POU6F2: variants seen among roughly 807,000 people sequenced by gnomAD.
POU6F2 encodes the protein POU domain, class 6, transcription factor 2.
Under a neutral mutation model 71.3 loss-of-function variants are expected in POU6F2, and 31 were observed. The observed-to-expected ratio is 0.43, with a 90% CI of 0.33 to 0.59. The LOEUF (loss-of-function observed/expected upper bound fraction) is 0.59. POU6F2 is among the 20% of genes least tolerant of loss of function. The probability of loss-of-function intolerance (pLI) is 0.04; values close to 1 mark genes in which losing one functional copy is unlikely to be tolerated. For synonymous variants in POU6F2, 347 were observed against 355.7 expected (o/e 0.98, Z 0.27); for missense variants, 783 against 856.8 (o/e 0.91, Z 1.07).
intron 1 of POU6F2, among the ~76,000 whole-genome samples, chr7:38,999,710 T>C (rs1788843287): frequency 6.6e-6 from 1 of 152,174 alleles, no homozygotes; most frequent in African/African-American, 2.4e-5. Flanking sequence ...TTACGTGCTT[T>C]TTGCAATGAC....
At chr7:39,448,844 T>G (rs186327945) in intron 7 of POU6F2, among the ~76,000 whole-genome samples, 1 of 152,330 alleles carries the variant, frequency 6.6e-6, no homozygotes, top group East Asian at 1.9e-4. Flanking sequence ...GTAACAGTAT[T>G]TAGAAGGACA....
chr7:39,415,340 T>A (rs144803976), intron 6 of POU6F2, among the ~76,000 whole-genome samples: 44 of 152,338 alleles, frequency 2.9e-4, no homozygotes, highest in African/African-American at 1.1e-3. Context: ...TTAATTTTTA[T>A]CCATGAGTAT....
At chr7:39,113,491 A>G (rs541565456) in intron 2 of POU6F2, among the ~76,000 whole-genome samples, 78 of 152,304 alleles carry the variant, frequency 5.1e-4, no homozygotes, top group African/African-American at 1.8e-3. Flanking sequence ...TAATCAAGGA[A>G]TTAGAACATT....
At chr7:39,269,618 A>C (rs973476418) in intron 4 of POU6F2, among the ~76,000 whole-genome samples, 2 of 152,238 alleles carry the variant, frequency 1.3e-5, no homozygotes, top group Non-Finnish European at 2.9e-5. Flanking sequence ...AGGTCATAGA[A>C]TCTGCCTTCC....
At chr7:39,450,800 C>T (rs1420321400) in intron 7 of POU6F2, among the ~76,000 whole-genome samples, 1 of 152,280 alleles carries the variant, frequency 6.6e-6, no homozygotes, top group African/African-American at 2.4e-5. Context: ...TTCTCTGTGC[C>T]TCAGCTTCCC....
intron 4 of POU6F2, among the ~76,000 whole-genome samples, chr7:39,260,254 C>G (rs1460383895): frequency 6.7e-6 from 1 of 149,394 alleles, no homozygotes; most frequent in African/African-American, 2.5e-5. Flanking sequence ...ACCCCCGACA[C>G]ACACACTCCA....
rs1326752832 is a variant in POU6F2, at chr7:39,031,135, G to A, written c.105+53077G>A. On this transcript the variant is annotated intron_variant, in intron 1 of 9. Coordinates refer to ENST00000518318, the MANE Select transcript of POU6F2 (RefSeq NM_001370959.1). ...AGGCTGGTCTCGAAATCCTGACCTC[G>A]TGATCCGCCCTCCTCGGCCTCCCAA... Among the ~76,000 whole-genome samples the A allele has an allele frequency of 4.6e-5, 7 of 152,136 alleles. No homozygotes were observed. In the East Asian group the frequency reaches 1.2e-3, roughly 25 times the overall value.
At chr7:39,016,024 TATATATA>T (rs1789523560) in intron 1 of POU6F2, among the ~76,000 whole-genome samples, 1 of 60,020 alleles carries the variant, frequency 1.7e-5, no homozygotes. Flanking sequence ...TTATATATAT[TATATATA>T]GATATATATT....
chr7:39,180,159 G>C (rs1211884753), intron 2 of POU6F2, among the ~76,000 whole-genome samples: 29 of 152,156 alleles, frequency 1.9e-4, no homozygotes, highest in Admixed American at 1.8e-3. Context: ...ACTGCTAATG[G>C]AGGAAACAGC....
chr7:39,346,110 C>T (rs1361159933), intron 5 of POU6F2, among the ~76,000 whole-genome samples: 1 of 152,164 alleles, frequency 6.6e-6, no homozygotes, highest in African/African-American at 2.4e-5. Context: ...TTAAAAAACT[C>T]TCAGTTCAAC....
chr7:39,091,302 G>A (rs1791360000), intron 2 of POU6F2, among the ~76,000 whole-genome samples: 1 of 152,194 alleles, frequency 6.6e-6, no homozygotes, highest in Admixed American at 6.5e-5. Flanking sequence ...CCTTGTGCCT[G>A]CCTTTGCTAG....
rs1791049447 is a variant in POU6F2 at position 39,078,757 on chromosome 7, C to CT, written c.106-7101dup. ...GCTGCCCCAGAGGAACAGATATGAC[C>CT]TTGAGAGAGGCAGCTACTTTCAGGC... On this transcript the variant is annotated intron_variant, in intron 1 of 9. Coordinates refer to ENST00000518318, the MANE Select transcript of POU6F2 (RefSeq NM_001370959.1). Among the ~76,000 whole-genome samples the CT allele has an allele frequency of 2.0e-5, 3 of 152,174 alleles. No individual in the cohort carries two copies. The South Asian group carries it at 6.2e-4, about 32-fold the overall frequency.
intron 4 of POU6F2, among the ~76,000 whole-genome samples, chr7:39,209,458 T>A (rs992841969): frequency 6.6e-6 from 1 of 152,166 alleles, no homozygotes; most frequent in African/African-American, 2.4e-5. Flanking sequence ...CTCTTTGAAA[T>A]TTGACTGACG....
intron 5 of POU6F2, among the ~76,000 whole-genome samples, chr7:39,361,505 C>T (rs1353477806): frequency 1.3e-5 from 2 of 152,098 alleles, no homozygotes; most frequent in Non-Finnish European, 2.9e-5. Flanking sequence ...AGCATGCAGA[C>T]CTACTAAAAT....
At chr7:38,996,233 G>A (rs867578641) in intron 1 of POU6F2, among the ~76,000 whole-genome samples, 3 of 151,720 alleles carry the variant, frequency 2.0e-5, no homozygotes, top group African/African-American at 2.4e-5. Context: ...TAAAGATGGG[G>A]TTTCACCATG....
intron 1 of POU6F2, among the ~76,000 whole-genome samples, chr7:39,005,478 A>G (rs1028158246): frequency 4.3e-5 from 1 of 23,428 alleles, no homozygotes; most frequent in Non-Finnish European, 1.7e-4. Flanking sequence ...GGGGAAAGGG[A>G]GAAACCTGTG....
chr7:39,257,726 T>A (rs1480462061), intron 4 of POU6F2, among the ~76,000 whole-genome samples: 1 of 151,990 alleles, frequency 6.6e-6, no homozygotes, highest in African/African-American at 2.4e-5. Context: ...AAGATAATAC[T>A]TATGCATTTG....
chr7:39,152,936 C>T (rs1025576648), intron 2 of POU6F2, among the ~76,000 whole-genome samples: 2 of 152,042 alleles, frequency 1.3e-5, no homozygotes, highest in Admixed American at 6.5e-5. Flanking sequence ...TCCAGGGTGC[C>T]GAGTTAAGAA....
chr7:39,333,564 C>CTA (rs1345440453), intron 4 of POU6F2, among the ~76,000 whole-genome samples: 5 of 151,990 alleles, frequency 3.3e-5, no homozygotes, highest in Non-Finnish European at 7.4e-5. Flanking sequence ...TGGTGAAACC[C>CTA]CATCTCTACC....
Sources: allele counts gnomAD v4.1 joint callset (sites outside exome capture counted in the v4.1 genomes callset), GRCh38; gene constraint gnomAD v4.1.1; transcripts MANE v1.5; gene names NCBI Gene and HGNC (gene_info 2026-07-23, HGNC 2026-07-21).